FAM169A: variants seen among roughly 807,000 people sequenced by gnomAD.
FAM169A encodes the protein soluble lamin-associated protein of 75 kDa.
Under a neutral mutation model 75.7 loss-of-function variants are expected in FAM169A, and 24 were observed. The ratio of observed to expected loss-of-function variants is 0.32; its 90% CI spans 0.23 to 0.45. The LOEUF is 0.45. FAM169A is among the 20% of genes least tolerant of loss of function. The pLI, the probability that FAM169A is intolerant of heterozygous loss-of-function variation, is 1.00. For missense variants in FAM169A, 673 were observed against 784.0 expected, an observed-to-expected ratio of 0.86 and a Z score of 1.69; for synonymous variants, 271 against 271.0, an observed-to-expected ratio of 1.00 and a Z score of 0.00.
At position 74,782,114 on chromosome 5, in the gene FAM169A, T is replaced by C. The variant is rs1745442927; in HGVS notation, c.1465-106A>G. 3 of 831,902 alleles carry C rather than the reference T, an allele frequency of 3.6e-6. No homozygotes were observed. The East Asian group carries it at 7.7e-5, about 21-fold the overall frequency. The allele number at this position is 831,902 out of a possible 1,614,324, so 51.5% of individuals were successfully genotyped here. On this transcript the variant is annotated intron_variant, in intron 12 of 12. Coordinates refer to ENST00000687041, the MANE Select transcript of FAM169A (RefSeq NM_001376049.1). The stretch of plus-strand genomic sequence containing the variant: ...CACTGAACTAGAATTTAATTCGGTA[T>C]TCATTACTCAAAATCGAGTATTTTT...
intron 4 of FAM169A, among the ~76,000 whole-genome samples, chr5:74,835,416 T>C (rs1158706034): frequency 1.3e-5 from 2 of 151,604 alleles, no homozygotes; most frequent in African/African-American, 2.4e-5. Context: ...CTGGGCAACA[T>C]GGCAAAACCC....
intron 5 of FAM169A, among the ~76,000 whole-genome samples, chr5:74,818,996 G>T (rs866261908): frequency 1.3e-5 from 2 of 152,260 alleles, no homozygotes; most frequent in Non-Finnish European, 2.9e-5. Flanking sequence ...AAGGTGGGCG[G>T]ATCACCTGTG....
chr5:74,856,111 T>G (rs1455972382), intron 1 of FAM169A, among the ~76,000 whole-genome samples: 1 of 152,236 alleles, frequency 6.6e-6, no homozygotes, highest in Non-Finnish European at 1.5e-5. Context: ...GATTTATTTC[T>G]GGGTTCTCTA....
At chr5:74,798,593 T>G (rs931900728) in intron 10 of FAM169A, among the ~76,000 whole-genome samples, 8 of 152,198 alleles carry the variant, frequency 5.3e-5, no homozygotes, top group African/African-American at 1.9e-4. Context: ...ATTCTCTACT[T>G]GACTAAAATA....
At chr5:74,841,311 T>G (rs1330074293) in intron 2 of FAM169A, among the ~76,000 whole-genome samples, 1 of 152,178 alleles carries the variant, frequency 6.6e-6, no homozygotes, top group South Asian at 2.1e-4. Context: ...TTAGCAAAAC[T>G]GGTGGTATTC....
At chr5:74,838,525 C>G (rs1040333099) in intron 4 of FAM169A, among the ~76,000 whole-genome samples, 2 of 152,150 alleles carry the variant, frequency 1.3e-5, no homozygotes, top group African/African-American at 4.8e-5. Flanking sequence ...ATAACCCTGC[C>G]GAGGTTGGAA....
At chr5:74,812,529 C>A (rs1374104041) in intron 6 of FAM169A, among the ~76,000 whole-genome samples, 2 of 152,012 alleles carry the variant, frequency 1.3e-5, no homozygotes, top group South Asian at 2.1e-4. Flanking sequence ...GTCCTCCCAC[C>A]TCAGCCTTTG....
intron 5 of FAM169A, among the ~76,000 whole-genome samples, chr5:74,814,587 G>A (rs1384088212): frequency 6.6e-6 from 1 of 152,108 alleles, no homozygotes; most frequent in East Asian, 1.9e-4. Context: ...GGGCGAATTG[G>A]AAACATCTGT....
At chr5:74,841,220 T>C (rs1462120637) in intron 2 of FAM169A, among the ~76,000 whole-genome samples, 1 of 152,230 alleles carries the variant, frequency 6.6e-6, no homozygotes, top group Non-Finnish European at 1.5e-5. Flanking sequence ...GTTTTGCTGA[T>C]TTTTTAATTA....
At chr5:74,796,647 G>A (rs1019845324) in intron 10 of FAM169A, among the ~76,000 whole-genome samples, 9 of 151,492 alleles carry the variant, frequency 5.9e-5, no homozygotes, top group South Asian at 2.1e-4. Flanking sequence ...CTCGTGATCC[G>A]CCCATCTTGG....
intron 1 of FAM169A, among the ~76,000 whole-genome samples, chr5:74,862,971 G>A (rs1750116787): frequency 7.0e-6 from 1 of 142,892 alleles, no homozygotes; most frequent in African/African-American, 2.7e-5. Flanking sequence ...TCTTTGTTTA[G>A]TCTAAAACTA....
At chr5:74,835,402 C>T (rs974265934) in intron 4 of FAM169A, among the ~76,000 whole-genome samples, 3 of 151,784 alleles carry the variant, frequency 2.0e-5, no homozygotes, top group Non-Finnish European at 4.4e-5. Context: ...AGTTTGAGAC[C>T]AGCCTGGGCA....
At chr5:74,791,232 C>T (rs950799718) in intron 11 of FAM169A, among the ~76,000 whole-genome samples, 8 of 152,194 alleles carry the variant, frequency 5.3e-5, no homozygotes, top group Non-Finnish European at 1.2e-4. Flanking sequence ...CAAAGGTCTC[C>T]AGCAGGCTGG....
intron 5 of FAM169A, among the ~76,000 whole-genome samples, chr5:74,820,844 C>A (rs1747732182): frequency 6.6e-6 from 1 of 152,184 alleles, no homozygotes; most frequent in South Asian, 2.1e-4. Flanking sequence ...GCCTAAAAAA[C>A]CTTTCAGGAT....
chr5:74,832,661 TTA>T (rs1039043666), intron 5 of FAM169A, among the ~76,000 whole-genome samples: 1 of 149,272 alleles, frequency 6.7e-6, no homozygotes, highest in Non-Finnish European at 1.5e-5. Flanking sequence ...TAACATTTAT[TTA>T]TATATATATA....
chr5:74,832,529 T>C (rs1748367066), intron 5 of FAM169A, among the ~76,000 whole-genome samples: 1 of 151,308 alleles, frequency 6.6e-6, no homozygotes, highest in African/African-American at 2.4e-5. Context: ...ATCTTCTTAA[T>C]AAAGATTTTA....
chr5:74,819,080 G>A (rs1015645477), intron 5 of FAM169A, among the ~76,000 whole-genome samples: 12 of 151,982 alleles, frequency 7.9e-5, no homozygotes, highest in East Asian at 1.9e-4. Flanking sequence ...TTAGCTGGGC[G>A]TGGTGGCACA....
chr5:74,789,693 C>T (rs1322702159), intron 11 of FAM169A, among the ~76,000 whole-genome samples: 1 of 151,998 alleles, frequency 6.6e-6, no homozygotes, highest in Non-Finnish European at 1.5e-5. Context: ...TGAATCACAG[C>T]GGAGGCCTCT....
intron 11 of FAM169A, among the ~76,000 whole-genome samples, chr5:74,794,108 C>T (rs1014770022): frequency 1.2e-4 from 18 of 148,696 alleles, no homozygotes; most frequent in Non-Finnish European, 2.2e-4. Context: ...TTTGGGAGGC[C>T]GAGAGGAGCG....
Sources: allele counts gnomAD v4.1 joint callset (sites outside exome capture counted in the v4.1 genomes callset), GRCh38; gene constraint gnomAD v4.1.1; transcripts MANE v1.5; gene names NCBI Gene and HGNC (gene_info 2026-07-23, HGNC 2026-07-21).